INVS: variants seen among roughly 807,000 people sequenced by gnomAD.
INVS encodes inversion of embryo turning homolog.
Under a neutral mutation model 108.8 loss-of-function variants are expected in INVS, and 86 were observed. The observed-to-expected ratio is 0.79, with a 90% CI of 0.66 to 0.95. The LOEUF (loss-of-function observed/expected upper bound fraction) is 0.95. INVS is among the 40% of genes least tolerant of loss of function. The pLI is 0.00. For missense variants in INVS, 1,169 were observed against 1,297.4 expected, an observed-to-expected ratio of 0.90 and a Z score of 1.52; for synonymous variants, 455 against 473.5, an observed-to-expected ratio of 0.96 and a Z score of 0.51.
chr9:100,103,648 A>G (rs1289839333), intron 1 of INVS, among the ~76,000 whole-genome samples: 4 of 142,194 alleles, frequency 2.8e-5, no homozygotes, highest in Non-Finnish European at 4.6e-5. Context: ...GAAGGGAGGA[A>G]AGCAGGGGGA....
At chr9:100,257,500 C>T (rs1403494052) in intron 10 of INVS, among the ~76,000 whole-genome samples, 1 of 152,294 alleles carries the variant, frequency 6.6e-6, no homozygotes, top group African/African-American at 2.4e-5. Flanking sequence ...TTCTTCTTAG[C>T]ATCGATGGTC....
intron 3 of INVS, among the ~76,000 whole-genome samples, chr9:100,220,421 T>G (rs72733348): frequency 0.017 from 2,527 of 152,142 alleles, 39 homozygotes; most frequent in Non-Finnish European, 0.025. Flanking sequence ...GTTTCAGAGA[T>G]ATTGGGAAAT....
intron 14 of INVS, among the ~76,000 whole-genome samples, chr9:100,296,329 A>G (rs1219922552): frequency 1.3e-5 from 2 of 152,108 alleles, no homozygotes; most frequent in African/African-American, 4.8e-5. Flanking sequence ...CCCATTCCTC[A>G]CCCACTCTAA....
intron 3 of INVS, among the ~76,000 whole-genome samples, chr9:100,218,173 T>C (rs879380054): frequency 6.6e-6 from 1 of 152,196 alleles, no homozygotes; most frequent in African/African-American, 2.4e-5. Flanking sequence ...CAAAATTTTA[T>C]ACCAATTTGT....
At chr9:100,266,007 A>G (rs1832780548) in intron 11 of INVS, among the ~76,000 whole-genome samples, 1 of 152,164 alleles carries the variant, frequency 6.6e-6, no homozygotes, top group Non-Finnish European at 1.5e-5. Flanking sequence ...TGAACCCAGG[A>G]GGCGGAGGTT....
chr9:100,262,111 C>T (rs773124432), intron 10 of INVS, among the ~76,000 whole-genome samples: 1 of 150,624 alleles, frequency 6.6e-6, no homozygotes, highest in South Asian at 2.1e-4. Context: ...CTTTTATATA[C>T]TGATGTATTT....
chr9:100,100,673 TACATATAATATATATATTATATATGTAC>T (rs1826835608), intron 1 of INVS, among the ~76,000 whole-genome samples: 1 of 19,356 alleles, frequency 5.2e-5, no homozygotes, highest in African/African-American at 4.5e-4. Flanking sequence ...ATTATATATG[TACATATAATATATATATTATATATGTAC>T]ATATAATATA....
chr9:100,295,001 G>C (rs1833746581), intron 14 of INVS, among the ~76,000 whole-genome samples: 1 of 152,194 alleles, frequency 6.6e-6, no homozygotes, highest in African/African-American at 2.4e-5. Context: ...GGCTGGCTTT[G>C]AGCCAAGACA....
intron 3 of INVS, among the ~76,000 whole-genome samples, chr9:100,164,130 A>C (rs1418565288): frequency 6.6e-6 from 1 of 152,174 alleles, no homozygotes; most frequent in East Asian, 1.9e-4. Flanking sequence ...TAATTGACAA[A>C]AATTGTATAT....
chr9:100,274,217 G>A (rs1833049163), intron 12 of INVS, among the ~76,000 whole-genome samples: 1 of 152,096 alleles, frequency 6.6e-6, no homozygotes, highest in Non-Finnish European at 1.5e-5. Context: ...AATTAGCTGG[G>A]CGTGGTGGTT....
At chr9:100,257,331 A>T (rs1248631884) in intron 10 of INVS, among the ~76,000 whole-genome samples, 1 of 152,166 alleles carries the variant, frequency 6.6e-6, no homozygotes, top group Non-Finnish European at 1.5e-5. Context: ...TTTCCTGAAT[A>T]CAGCACACTG....
intron 3 of INVS, among the ~76,000 whole-genome samples, chr9:100,208,477 A>G (rs539661910): frequency 6.6e-6 from 1 of 152,312 alleles, no homozygotes; most frequent in South Asian, 2.1e-4. Flanking sequence ...AATCCCATCC[A>G]TAGTGTGGAA....
chr9:100,100,925 T>TA lies in INVS; in HGVS notation c.-25+1510dup, dbSNP rs1253152069. On this transcript the variant is annotated intron_variant, in intron 1 of 16. Coordinates refer to ENST00000262457, the MANE Select transcript of INVS (RefSeq NM_014425.5). ...TATGTATATATATTATATGTATATA[T>TA]ATAATATATATAATATATATACATA... Among the ~76,000 whole-genome samples, 184 of 35,312 alleles carry TA rather than the reference T, an allele frequency of 5.2e-3. 25 individuals carry two copies. The highest frequency in any genetic ancestry group is 9.2e-3 in the African/African-American group (43 of 4,684). 23.2% of individuals were successfully genotyped at this position (35,312 alleles called of 152,430 possible).
At chr9:100,217,151 A>G (rs1831014744) in intron 3 of INVS, among the ~76,000 whole-genome samples, 1 of 152,130 alleles carries the variant, frequency 6.6e-6, no homozygotes, top group African/African-American at 2.4e-5. Context: ...TCTACCAAAA[A>G]TATAAAAATT....
At chr9:100,099,815 T>G (rs1826762128) in intron 1 of INVS, among the ~76,000 whole-genome samples, 1 of 152,138 alleles carries the variant, frequency 6.6e-6, no homozygotes, top group Admixed American at 6.5e-5. Context: ...CTCTGCGGCT[T>G]CTTCTGCAAA....
At chr9:100,229,529 C>T (rs1831439801) in intron 4 of INVS, 131 bp from the exon 5 acceptor site, 2 of 760,272 alleles carry the variant, frequency 2.6e-6, no homozygotes, top group Non-Finnish European at 4.6e-6. Context: ...GACCTGAAAT[C>T]ATGAAAAGTG....
chr9:100,180,997 T>G (rs1177409812), intron 3 of INVS, among the ~76,000 whole-genome samples: 1 of 152,062 alleles, frequency 6.6e-6, no homozygotes, highest in Non-Finnish European at 1.5e-5. Context: ...ATAAACATAA[T>G]CCATCACATA....
chr9:100,185,421 C>A (rs1235865582), intron 3 of INVS, among the ~76,000 whole-genome samples: 1 of 150,032 alleles, frequency 6.7e-6, no homozygotes, highest in Non-Finnish European at 1.5e-5. Context: ...ATTTTTAACA[C>A]AAAAGATTAG....
intron 3 of INVS, among the ~76,000 whole-genome samples, chr9:100,143,607 G>A (rs1828503230): frequency 1.3e-5 from 2 of 152,034 alleles, no homozygotes; most frequent in Admixed American, 1.3e-4. Context: ...CAGCGATGAG[G>A]TGTGGCTGTA....
Sources: gnomAD v4.1 joint callset for allele counts (sites outside exome capture counted in the v4.1 genomes callset) on GRCh38, gnomAD v4.1.1 for gene constraint, MANE v1.5 for transcripts, NCBI Gene and HGNC (gene_info 2026-07-23, HGNC 2026-07-21) for gene names.